Variants in AP3D1 observed in about 807,000 individuals in gnomAD.
AP3D1 encodes adaptor related protein complex 3 subunit delta 1.
A neutral mutation model predicts 147.6 loss-of-function variants in AP3D1; 51 were observed. The ratio of observed to expected loss-of-function variants is 0.35; its 90% CI spans 0.28 to 0.44. AP3D1 has a LOEUF of 0.44. Among genes scored for constraint, AP3D1 ranks in the 20% least tolerant of loss-of-function variants. AP3D1 has a pLI of 1.00. For synonymous variants in AP3D1, 760 were observed against 663.0 expected, an observed-to-expected ratio of 1.15 and a Z score of -2.25; for missense variants, 1,421 against 1,624.2, an observed-to-expected ratio of 0.87 and a Z score of 2.15.
chr19:2,161,794 CA>C (rs2019700785), intron 1 of AP3D1, among the ~76,000 whole-genome samples: 2 of 151,744 alleles, frequency 1.3e-5, no homozygotes, highest in Non-Finnish European at 2.9e-5. Flanking sequence ...ACTAAAAATA[CA>C]AAAATTAGCT....
chr19:2,129,470 G>C lies in AP3D1; in HGVS notation c.593-13C>G, dbSNP rs770215341. On this transcript the variant is annotated splice_polypyrimidine_tract_variant and intron_variant, in intron 6 of 31. Transcript: ENST00000643116. ...GCCGACTGAACCCCTGGGGAACAAG[G>C]GGTTCTCATCAGCATGCCTGTCCTT... The C allele has an allele frequency of 4.2e-5, 67 of 1,611,910 alleles. No homozygotes were observed. The highest frequency in any genetic ancestry group is 5.3e-5 in the Non-Finnish European group (62 of 1,178,740).
At chr19:2,122,580 T>C (rs1014135275) in intron 11 of AP3D1, among the ~76,000 whole-genome samples, 43 of 152,358 alleles carry the variant, frequency 2.8e-4, no homozygotes, top group Admixed American at 8.5e-4. Flanking sequence ...CGTCTGTGCC[T>C]ATGGCGAAGT....
chr19:2,144,543 C>A (rs1362473067), intron 1 of AP3D1, among the ~76,000 whole-genome samples: 1 of 152,226 alleles, frequency 6.6e-6, no homozygotes, highest in Non-Finnish European at 1.5e-5. Context: ...CGTCTCTGTG[C>A]TCAGTCCTGT....
At position 2,105,871 on chromosome 19, in the gene AP3D1, G is replaced by A. The variant is rs537773790; in HGVS notation, c.3552+2816C>T. On this transcript the variant is annotated intron_variant, in intron 31 of 31. Transcript: ENST00000643116. Reference sequence around the variant, plus strand: ...AGCACTTTGGGAGTCTGAGGCAGGCGGATCAGGAGTTTGAGACCAGCCTGA... The same window carrying A: ...AGCACTTTGGGAGTCTGAGGCAGGCAGATCAGGAGTTTGAGACCAGCCTGA... Among the ~76,000 whole-genome samples the A allele has an allele frequency of 6.6e-5, 10 of 151,960 alleles. No individual in the cohort carries two copies. In the East Asian group the frequency reaches 1.2e-3, roughly 18 times the overall value.
intron 6 of AP3D1, 90 bp downstream of exon 6, chr19:2,130,318 C>T: frequency 1.3e-6 from 2 of 1,568,414 alleles, no homozygotes; most frequent in Non-Finnish European, 8.6e-7. Context: ...CCACTCCCCG[C>T]AGCACCCCCC....
At chr19:2,115,719 A>G in intron 18 of AP3D1, 106 bp from the exon 19 acceptor site, 1 of 1,223,780 alleles carries the variant, frequency 8.2e-7, no homozygotes, top group Non-Finnish European at 1.1e-6. Flanking sequence ...CATCCTAAGG[A>G]GCTGGGGTCC....
At chr19:2,116,786 C>G (rs757063713) in intron 16 of AP3D1, 40 bp from the exon 17 acceptor site, 3 of 1,559,060 alleles carry the variant, frequency 1.9e-6, no homozygotes, top group Admixed American at 1.9e-5. Flanking sequence ...AGTGTGTGAC[C>G]GAGCACGCGC....
In AP3D1 at chr19:2,112,858, A is replaced by C. The variant is rs1599446693; in HGVS notation, c.2787+2T>G. The C allele has an allele frequency of 6.2e-7, 1 of 1,608,260 alleles. No homozygotes were observed. Among genetic ancestry groups the C allele is most frequent in the African/African-American group, 1.3e-5 (1 of 74,888 alleles). On this transcript the variant is annotated splice_donor_variant, in intron 24 of 31. Coordinates refer to ENST00000643116, the MANE Select transcript of AP3D1 (RefSeq NM_001261826.3). LOFTEE classifies it high-confidence loss of function. The stretch of plus-strand genomic sequence containing the variant: ...CAGCCCCTGGGGGAGTGACAGCCTC[A>C]CCTTGTCCTGGTCTTGCCCCTCGGC...
chr19:2,153,172 G>C (rs1007935113), upstream of AP3D1, among the ~76,000 whole-genome samples: 1 of 151,306 alleles, frequency 6.6e-6, no homozygotes, highest in African/African-American at 2.4e-5. Flanking sequence ...TCAGGAGTTC[G>C]AGACCAGCCT....
At chr19:2,150,955 G>A (rs1386361409) in intron 1 of AP3D1, among the ~76,000 whole-genome samples, 2 of 152,244 alleles carry the variant, frequency 1.3e-5, no homozygotes, top group East Asian at 1.9e-4. Context: ...CGGGGCCCAG[G>A]GCATTGCATT....
At position 2,123,864 on chromosome 19, in the gene AP3D1, G is replaced by A. The variant is rs762357803; in HGVS notation, c.872C>T (p.Ser291Phe). ...NTVIAVLISL[S>F]SGMPNHSASI... Reference sequence around the variant, plus strand: ...GGCGCTGTGGTTGGGCATGCCGGAGGACAGCGAGATGAGCACTGCAACAGA... The same window carrying A: ...GGCGCTGTGGTTGGGCATGCCGGAGAACAGCGAGATGAGCACTGCAACAGA... Residue 291 changes from serine (S) to phenylalanine (F), a missense_variant, in exon 10 of 32, where the codon TCC becomes TTC. Ser to Phe is a radical substitution (Grantham distance 155). Transcript: ENST00000643116. The A allele has an allele frequency of 1.9e-6, 3 of 1,578,296 alleles. No individual in the cohort carries two copies. The highest frequency in any genetic ancestry group is 2.6e-6 in the Non-Finnish European group (3 of 1,162,286).
At chr19:2,126,239 G>A (rs556086437) in intron 9 of AP3D1, among the ~76,000 whole-genome samples, 11 of 152,310 alleles carry the variant, frequency 7.2e-5, no homozygotes, top group Non-Finnish European at 1.6e-4. Context: ...GAAGTCCACC[G>A]CCCAATGCCC....
chr19:2,136,079 C>T lies in AP3D1; in HGVS notation c.354+932G>A, dbSNP rs1239374306. Among the ~76,000 whole-genome samples the T allele has an allele frequency of 5.9e-5, 9 of 151,756 alleles. No individual in the cohort carries two copies. In the East Asian group the frequency reaches 1.5e-3, roughly 26 times the overall value. On this transcript the variant is annotated intron_variant, in intron 4 of 31. Transcript: ENST00000643116. The stretch of plus-strand genomic sequence containing the variant: ...TACACGGCCACGACCCAAGAAGACT[C>T]CCGCCCAGGTCCCTCCTGCTACATG...
intron 1 of AP3D1, among the ~76,000 whole-genome samples, chr19:2,139,125 T>TC (rs1431603110): frequency 2.9e-5 from 4 of 138,876 alleles, no homozygotes; most frequent in African/African-American, 1.1e-4. Context: ...CACCGTGTAA[T>TC]CCATTTCTAT....
At chr19:2,112,756 A>C (rs530886094) in intron 24 of AP3D1, 104 bp downstream of exon 24, 1 of 820,416 alleles carries the variant, frequency 1.2e-6, no homozygotes, top group African/African-American at 1.7e-5. Flanking sequence ...ATGCGAGAGC[A>C]GGGCTGCCCT....
At chr19:2,124,812 T>C (rs1206825547) in intron 9 of AP3D1, among the ~76,000 whole-genome samples, 9 of 152,074 alleles carry the variant, frequency 5.9e-5, no homozygotes, top group Admixed American at 5.9e-4. Context: ...TGGTGGAGCA[T>C]GTCTGTAACC....
intron 1 of AP3D1, among the ~76,000 whole-genome samples, chr19:2,146,975 C>T (rs897121493): frequency 9.2e-5 from 14 of 152,182 alleles, no homozygotes; most frequent in African/African-American, 3.4e-4. Context: ...GAGAATGATC[C>T]AGCCCCAACA....
At chr19:2,130,588 G>A (rs748987052) in intron 5 of AP3D1, 51 bp from the exon 6 acceptor site, 3 of 1,604,002 alleles carry the variant, frequency 1.9e-6, no homozygotes, top group Non-Finnish European at 1.7e-6. Flanking sequence ...CCTCATCCCT[G>A]CTCTCGCCCC....
In AP3D1 at chr19:2,157,098, T is replaced by TCATC. The variant is rs564644805; in HGVS notation, c.-103+7254_-103+7257dup. Among the ~76,000 whole-genome samples the TCATC allele has an allele frequency of 2.7e-3, 391 of 146,578 alleles. 5 individuals are homozygous for TCATC. Among genetic ancestry groups the TCATC allele is most frequent in the Non-Finnish European group, 2.1e-3 (139 of 66,328 alleles). On this transcript the variant is annotated intron_variant, in intron 1 of 14. Coordinates refer to the AP3D1 transcript ENST00000643010. The stretch of plus-strand genomic sequence containing the variant: ...ATCCATCTATCGATCTATCCACCCA[T>TCATC]CATCCATCCATCCATCCATCCACCC...
Sources: gnomAD v4.1 joint callset for allele counts (sites outside exome capture counted in the v4.1 genomes callset) on GRCh38, gnomAD v4.1.1 for gene constraint, MANE v1.5 for transcripts, NCBI Gene and HGNC (gene_info 2026-07-23, HGNC 2026-07-21) for gene names.